ARK2C: variants seen among roughly 807,000 people sequenced by gnomAD.
ARK2C encodes the protein arkadia (RNF111) C-terminal like ring finger ubiquitin ligase 2C, also known as E3 ubiquitin-protein ligase ARK2C.
chr18:46,399,492 G>C, the ARK2C span, among the ~76,000 whole-genome samples: 1 of 152,208 alleles, frequency 6.6e-6, no homozygotes, highest in South Asian at 2.1e-4. Context: ...TATGGGATTT[G>C]CTCGTGTTGC....
At chr18:46,433,252 C>A in the ARK2C span, 4 of 1,608,618 alleles carry the variant, frequency 2.5e-6, no homozygotes, top group Admixed American at 6.7e-5. Flanking sequence ...CCACCTGGGC[C>A]CCCCGCAGCC....
chr18:46,450,371 C>A, the ARK2C span: 9 of 1,613,760 alleles, frequency 5.6e-6, no homozygotes, highest in Non-Finnish European at 7.6e-6. Flanking sequence ...TCCCAGCAGA[C>A]ACACCTCCGC....
chr18:46,351,702 T>C, the ARK2C span, among the ~76,000 whole-genome samples: 1 of 152,178 alleles, frequency 6.6e-6, no homozygotes, highest in Non-Finnish European at 1.5e-5. Context: ...GAAAGATAAC[T>C]TAGACAGTTC....
the ARK2C span, chr18:46,462,214 C>G: frequency 1.3e-5 from 2 of 152,478 alleles, no homozygotes; most frequent in Non-Finnish European, 2.9e-5. Context: ...CAAAGGCTGG[C>G]ACAGCTGTGA....
the ARK2C span, among the ~76,000 whole-genome samples, chr18:46,422,495 G>T: frequency 6.6e-6 from 1 of 152,202 alleles, no homozygotes; most frequent in African/African-American, 2.4e-5. Context: ...TCTGTCTTTG[G>T]ACATGGGCCT....
the ARK2C span, among the ~76,000 whole-genome samples, chr18:46,379,435 C>T: frequency 1.3e-5 from 2 of 152,218 alleles, no homozygotes; most frequent in Non-Finnish European, 2.9e-5. Context: ...TACCCTCACA[C>T]CCACCTTCCC....
the ARK2C span, among the ~76,000 whole-genome samples, chr18:46,353,739 C>G: frequency 6.6e-6 from 1 of 152,112 alleles, no homozygotes; most frequent in African/African-American, 2.4e-5. Flanking sequence ...GCTGCTGCCT[C>G]GGATCCTTGA....
At chr18:46,433,069 C>T in the ARK2C span, 9 of 666,200 alleles carry the variant, frequency 1.4e-5, no homozygotes, top group Non-Finnish European at 2.0e-5. Flanking sequence ...GATGACGCTG[C>T]TGTGTCCTAA....
the ARK2C span, among the ~76,000 whole-genome samples, chr18:46,344,110 G>A: frequency 6.6e-6 from 1 of 152,222 alleles, no homozygotes; most frequent in Non-Finnish European, 1.5e-5. Flanking sequence ...GGCCTCCCCT[G>A]ACGACACTGT....
the ARK2C span, among the ~76,000 whole-genome samples, chr18:46,345,758 A>T: frequency 6.6e-6 from 1 of 152,214 alleles, no homozygotes; most frequent in Non-Finnish European, 1.5e-5. Context: ...TTGAATGCAA[A>T]TACAGAATTT....
the ARK2C span, chr18:46,435,464 G>A: frequency 8.1e-7 from 1 of 1,233,736 alleles, no homozygotes; most frequent in Non-Finnish European, 1.2e-6. Context: ...TGCCAGATCT[G>A]TGGAGTTTCT....
the ARK2C span, among the ~76,000 whole-genome samples, chr18:46,445,685 T>C: frequency 3.9e-5 from 6 of 152,206 alleles, no homozygotes; most frequent in African/African-American, 1.4e-4. Context: ...TGGTCTGGAA[T>C]GTGCCTTCAT....
the ARK2C span, among the ~76,000 whole-genome samples, chr18:46,424,033 G>C: frequency 9.9e-5 from 15 of 152,196 alleles, no homozygotes; most frequent in African/African-American, 3.6e-4. Flanking sequence ...TTTACTGCAT[G>C]GTACCTCCTC....
At chr18:46,344,681 G>GC in the ARK2C span, among the ~76,000 whole-genome samples, 3 of 152,306 alleles carry the variant, frequency 2.0e-5, no homozygotes, top group South Asian at 6.2e-4. Context: ...GACCATACCT[G>GC]CCCCCTCTGC....
the ARK2C span, among the ~76,000 whole-genome samples, chr18:46,359,781 G>T: frequency 6.6e-6 from 1 of 152,108 alleles, no homozygotes; most frequent in African/African-American, 2.4e-5. Flanking sequence ...AGTCATACAT[G>T]GCCCAAGATG....
chr18:46,375,659 A>T, the ARK2C span, among the ~76,000 whole-genome samples: 34 of 152,038 alleles, frequency 2.2e-4, no homozygotes, highest in Admixed American at 2.2e-3. Flanking sequence ...ATGAGCTGCC[A>T]CATCCTGGGT....
the ARK2C span, among the ~76,000 whole-genome samples, chr18:46,362,119 G>C: frequency 6.6e-6 from 1 of 152,242 alleles, no homozygotes; most frequent in Non-Finnish European, 1.5e-5. Context: ...GGGTGCCCAA[G>C]CTCTGGGCTT....
the ARK2C span, among the ~76,000 whole-genome samples, chr18:46,373,110 G>C: frequency 6.6e-6 from 1 of 152,236 alleles, no homozygotes. Context: ...CTAGTAAATA[G>C]AGGGCTCTCT....
chr18:46,412,987 G>T, the ARK2C span, among the ~76,000 whole-genome samples: 1 of 152,222 alleles, frequency 6.6e-6, no homozygotes, highest in African/African-American at 2.4e-5. Flanking sequence ...ATGCTTGCAC[G>T]TCAAACAACA....
Sources: gnomAD v4.1 joint callset for allele counts (sites outside exome capture counted in the v4.1 genomes callset) on GRCh38, gnomAD v4.1.1 for gene constraint, MANE v1.5 for transcripts, NCBI Gene and HGNC (gene_info 2026-07-23, HGNC 2026-07-21) for gene names.